The following ANXA8 variants were observed in gnomAD, a reference collection of about 807,000 sequenced individuals.
ANXA8 encodes the protein annexin A8.
In ANXA8, 9 loss-of-function variants were observed where a neutral mutation model predicts 26.8. The ratio of observed to expected loss-of-function variants is 0.34; its 90% CI spans 0.20 to 0.59. ANXA8 has a LOEUF of 0.59. Ranked by LOEUF, ANXA8 falls within the 20% of genes least tolerant of loss-of-function variation. The pLI is 0.84. For missense variants in ANXA8, 83 were observed against 238.5 expected, an observed-to-expected ratio of 0.35 and a Z score of 4.29; for synonymous variants, 39 against 94.8, an observed-to-expected ratio of 0.41 and a Z score of 3.42.
In ANXA8 at chr10:47,474,067, T is replaced by C; in HGVS notation, c.647-2A>G. The C allele has an allele frequency of 1.1e-5, 6 of 541,566 alleles. 1 individual carries two copies. The South Asian group carries it at 1.2e-4, about 11-fold the overall frequency. The allele number at this position is 541,566 out of a possible 1,614,324, so 33.5% of individuals were successfully genotyped here. A position where few individuals can be genotyped will look rare whatever the true frequency, so the allele number is the denominator to read the frequency against. On this transcript the variant is annotated splice_acceptor_variant, in intron 8 of 11. Transcript: ENST00000585281. LOFTEE classifies it high-confidence loss of function. ...CAATTTTCTCATACTCTTCAAACAC[T>C]GTGGAGAGGGCTCTGCTCAGGGGAT...
At chr10:47,743,293 T>TACATATATATATATAC in the ANXA8 span, among the ~76,000 whole-genome samples, 79 of 64,864 alleles carry the variant, frequency 1.2e-3, 2 homozygotes, top group Middle Eastern at 0.017. Flanking sequence ...CATATATATA[T>TACATATATATATATAC]ACACATATAT....
At chr10:47,610,423 T>A in the ANXA8 span, among the ~76,000 whole-genome samples, 1 of 140,258 alleles carries the variant, frequency 7.1e-6, no homozygotes, top group Non-Finnish European at 1.5e-5. Context: ...ATATTTAGCA[T>A]TTGATTTTTA....
At chr10:47,755,334 C>A in the ANXA8 span, among the ~76,000 whole-genome samples, 1 of 152,246 alleles carries the variant, frequency 6.6e-6, no homozygotes, top group African/African-American at 2.4e-5. Context: ...CGGCTCACTG[C>A]AAGCTCCGCC....
chr10:47,638,893 A>G, the ANXA8 span, among the ~76,000 whole-genome samples: 1 of 141,162 alleles, frequency 7.1e-6, no homozygotes, highest in South Asian at 2.2e-4. Context: ...TGAAAGTCAT[A>G]GAAAGCTTGC....
chr10:47,535,779 G>A, the ANXA8 span, among the ~76,000 whole-genome samples: 34 of 45,904 alleles, frequency 7.4e-4, no homozygotes, highest in South Asian at 5.0e-3. Context: ...ACATGAAAAC[G>A]GTACATCATG....
chr10:47,484,264 C>T (rs1400582853), upstream of ANXA8: 935 of 679,078 alleles, frequency 1.4e-3, 12 homozygotes, highest in African/African-American at 0.013. Flanking sequence ...GCGAAAGCCC[C>T]ACTCAGTAAA....
chr10:47,721,159 A>G, the ANXA8 span, among the ~76,000 whole-genome samples: 2 of 141,290 alleles, frequency 1.4e-5, 1 homozygote, highest in Non-Finnish European at 3.1e-5. Flanking sequence ...AAATCAAAAC[A>G]AAAAATGCAT....
the ANXA8 span, among the ~76,000 whole-genome samples, chr10:47,514,058 G>A: frequency 7.1e-6 from 1 of 141,808 alleles, no homozygotes; most frequent in Non-Finnish European, 1.5e-5. Flanking sequence ...CTTCTGCACA[G>A]GAAAAGGAAC....
the ANXA8 span, among the ~76,000 whole-genome samples, chr10:47,742,760 GA>G: frequency 7.7e-6 from 1 of 130,688 alleles, no homozygotes; most frequent in African/African-American, 2.8e-5. Flanking sequence ...ATTATTTAGA[GA>G]AATGAGAGAA....
chr10:47,705,916 C>T, the ANXA8 span, among the ~76,000 whole-genome samples: 12 of 149,864 alleles, frequency 8.0e-5, no homozygotes, highest in Admixed American at 7.3e-4. Context: ...CCCCGACGCA[C>T]CCCCCGCGTA....
the ANXA8 span, among the ~76,000 whole-genome samples, chr10:47,558,442 C>T: frequency 1.3e-5 from 2 of 151,678 alleles, no homozygotes; most frequent in Non-Finnish European, 2.9e-5. Flanking sequence ...AAAGTATTTA[C>T]CTTCATTCCT....
the ANXA8 span, among the ~76,000 whole-genome samples, chr10:47,560,424 T>C: frequency 2.3e-4 from 35 of 151,926 alleles, no homozygotes; most frequent in African/African-American, 6.3e-4. Context: ...AATTAATACA[T>C]TGTTTTACCA....
the ANXA8 span, among the ~76,000 whole-genome samples, chr10:47,651,136 G>C: frequency 1.3e-5 from 2 of 151,414 alleles, no homozygotes; most frequent in South Asian, 2.1e-4. Context: ...TGCCGTCGAG[G>C]CTGCAGTGAG....
the ANXA8 span, among the ~76,000 whole-genome samples, chr10:47,551,157 A>C: frequency 0.012 from 1,896 of 152,036 alleles, 65 homozygotes; most frequent in African/African-American, 0.043. Context: ...AAAAACCAAA[A>C]GGTAAATACT....
the ANXA8 span, among the ~76,000 whole-genome samples, chr10:47,588,384 T>C: frequency 8.1e-6 from 1 of 123,970 alleles, no homozygotes; most frequent in Non-Finnish European, 1.6e-5. Flanking sequence ...ATCTTCAGTC[T>C]GATTCTGAGA....
At chr10:47,891,350 A>AC in the ANXA8 span, among the ~76,000 whole-genome samples, 1 of 150,642 alleles carries the variant, frequency 6.6e-6, no homozygotes, top group Non-Finnish European at 1.5e-5. Context: ...TTGAAAAAAA[A>AC]ACCTTTAAAT....
chr10:47,666,407 A>G, the ANXA8 span, among the ~76,000 whole-genome samples: 1 of 151,246 alleles, frequency 6.6e-6, no homozygotes, highest in South Asian at 2.1e-4. Flanking sequence ...TTTTATGTGC[A>G]TTATCTCACT....
Position 47,476,290 on chromosome 10 carries a change from C to G in ANXA8, c.354G>C (p.Glu118Asp). The change falls in exon 5 of 12, where the codon GAG becomes GAC. Residue 118 changes from glutamate (E) to aspartate (D), a missense_variant. Physicochemically the swap from Glu to Asp is conservative, Grantham distance 45. Coordinates refer to ENST00000585281, the MANE Select transcript of ANXA8 (RefSeq NM_001040084.3). Reference sequence around the variant, plus strand: ...GGTTCTTGGTCCGAGAGGCCAGGATCTCAATGATGACACCCTCCTTGGTTC... The same window carrying G: ...GGTTCTTGGTCCGAGAGGCCAGGATGTCAATGATGACACCCTCCTTGGTTC... ...GLGTKEGVII[E>D]ILASRTKNQL... 1 of 529,684 alleles carries G rather than the reference C, an allele frequency of 1.9e-6. No individual in the cohort carries two copies. Among genetic ancestry groups the G allele is most frequent in the Non-Finnish European group, 2.8e-6 (1 of 359,334 alleles). The allele number at this position is 529,684 out of a possible 1,614,324, so 32.8% of individuals were successfully genotyped here. A position where few individuals can be genotyped will look rare whatever the true frequency, so the allele number is the denominator to read the frequency against.
chr10:47,667,508 T>C, the ANXA8 span, among the ~76,000 whole-genome samples: 2 of 151,894 alleles, frequency 1.3e-5, no homozygotes, highest in African/African-American at 4.8e-5. Context: ...GTTGTTGTTT[T>C]TGTTTTTTAA....
Sources: gnomAD v4.1 joint callset for allele counts (sites outside exome capture counted in the v4.1 genomes callset) on GRCh38, gnomAD v4.1.1 for gene constraint, MANE v1.5 for transcripts, NCBI Gene and HGNC (gene_info 2026-07-23, HGNC 2026-07-21) for gene names.